Variants in DPYD observed in about 807,000 individuals in gnomAD.
DPYD encodes the protein dihydropyrimidine dehydrogenase [NADP(+)].
Under a neutral mutation model 116.2 loss-of-function variants are expected in DPYD, and 109 were observed. The observed-to-expected ratio is 0.94, with a 90% CI of 0.80 to 1.10. DPYD has a LOEUF of 1.10. DPYD is among the 50% of genes least tolerant of loss of function. The pLI is 0.00. For missense variants in DPYD, 1,302 were observed against 1,254.5 expected (o/e 1.04, Z -0.57); for synonymous variants, 440 against 432.0 (o/e 1.02, Z -0.23).
intron 8 of DPYD, among the ~76,000 whole-genome samples, chr1:97,600,439 C>T (rs1655178197): frequency 6.6e-6 from 1 of 152,112 alleles, no homozygotes; most frequent in Non-Finnish European, 1.5e-5. Flanking sequence ...CATGTAACAA[C>T]TTTTGTCTTT....
intron 18 of DPYD, among the ~76,000 whole-genome samples, chr1:97,236,666 A>C (rs1247892188): frequency 2.0e-5 from 3 of 151,880 alleles, no homozygotes; most frequent in African/African-American, 7.3e-5. Flanking sequence ...CACACACACA[A>C]AACACACTTA....
rs1402643252 is a variant in DPYD at position 97,754,662 on chromosome 1, TA to T, written c.234-14184del. The stretch of plus-strand genomic sequence containing the variant: ...ACTTAACTATTTTCTGAGATTTTGC[TA>T]AGTGCTGGAGATAGCAGGATGAATA... On this transcript the variant is annotated intron_variant, in intron 3 of 22. Coordinates refer to ENST00000370192, the MANE Select transcript of DPYD (RefSeq NM_000110.4). 1.5e-4 allele frequency among the ~76,000 whole-genome samples: 23 copies of T among 152,350 alleles called. No homozygotes were observed. In the South Asian group the frequency reaches 1.7e-3, roughly 11 times the overall value.
intron 12 of DPYD, among the ~76,000 whole-genome samples, chr1:97,540,529 G>T (rs1008693495): frequency 1.3e-5 from 2 of 152,124 alleles, no homozygotes; most frequent in African/African-American, 4.8e-5. Flanking sequence ...GAGCTGGGGT[G>T]TGCCACCTTC....
At chr1:97,523,335 T>C (rs1648825478) in intron 12 of DPYD, among the ~76,000 whole-genome samples, 1 of 152,198 alleles carries the variant, frequency 6.6e-6, no homozygotes. Flanking sequence ...AAGTTTGCTT[T>C]CTTCACCCTT....
At chr1:97,718,119 T>A (rs1007680865) in intron 5 of DPYD, among the ~76,000 whole-genome samples, 1 of 151,998 alleles carries the variant, frequency 6.6e-6, no homozygotes, top group African/African-American at 2.4e-5. Context: ...AACACATCCA[T>A]GCCAACATCT....
chr1:97,457,807 CAGGCTTTGAGAA>C (rs1676773727), intron 13 of DPYD, among the ~76,000 whole-genome samples: 2 of 152,134 alleles, frequency 1.3e-5, no homozygotes, highest in African/African-American at 4.8e-5. Context: ...ACTTTTTCTG[CAGGCTTTGAGAA>C]TCCATTGTGT....
At chr1:97,834,694 T>C (rs955797801) in intron 2 of DPYD, among the ~76,000 whole-genome samples, 1 of 151,846 alleles carries the variant, frequency 6.6e-6, no homozygotes, top group South Asian at 2.1e-4. Context: ...ATAAAGTAAA[T>C]TGGGAAAAGG....
Position 97,132,407 on chromosome 1 carries a change from T to C in DPYD, c.2623-33775A>G, listed in dbSNP as rs548895128. ...TCATTAACATAGCTACGGTACAGTG[T>C]ATTGGGTTAGGAAATGAATCAGATG... is the stretch of plus-strand genomic sequence containing the variant. On this transcript the variant is annotated intron_variant, in intron 20 of 22. Transcript: ENST00000370192. Among the ~76,000 whole-genome samples the C allele has an allele frequency of 1.3e-4, 20 of 152,290 alleles. No homozygotes were observed. The South Asian group carries it at 4.1e-3, about 32-fold the overall frequency.
At chr1:97,259,250 TAGAA>T (rs1663713715) in intron 18 of DPYD, among the ~76,000 whole-genome samples, 1 of 152,144 alleles carries the variant, frequency 6.6e-6, no homozygotes, top group Admixed American at 6.6e-5. Flanking sequence ...TGCTGACTAC[TAGAA>T]AGAGTTTGCT....
At chr1:97,917,064 C>T (rs1674254886) in intron 1 of DPYD, among the ~76,000 whole-genome samples, 1 of 152,142 alleles carries the variant, frequency 6.6e-6, no homozygotes, top group Admixed American at 6.5e-5. Context: ...AGCATGTTTT[C>T]AACAACTCTA....
chr1:97,646,733 T>A (rs1385823234), intron 8 of DPYD, among the ~76,000 whole-genome samples: 1 of 152,122 alleles, frequency 6.6e-6, no homozygotes, highest in East Asian at 1.9e-4. Context: ...ATGAGCTAAC[T>A]TTGCTTAATT....
At chr1:97,582,468 G>A (rs904169259) in intron 10 of DPYD, among the ~76,000 whole-genome samples, 6 of 152,238 alleles carry the variant, frequency 3.9e-5, no homozygotes, top group Admixed American at 1.3e-4. Flanking sequence ...CATCAAACTC[G>A]GCCCATTCAC....
chr1:97,699,336 A>G lies in DPYD; in HGVS notation c.680+15T>C, dbSNP rs1471304288. On this transcript the variant is annotated intron_variant, in intron 6 of 22. Transcript: ENST00000370192. The stretch of plus-strand genomic sequence containing the variant: ...ATTTCTGACACTATAAACATGAAAT[A>G]AATGTAGGCATTACCTTAAACCACC... 1 of 1,609,916 alleles carries G rather than the reference A, an allele frequency of 6.2e-7. No homozygotes were observed. The highest frequency in any genetic ancestry group is 2.2e-5 in the East Asian group (1 of 44,844).
chr1:97,545,883 T>C, intron 12 of DPYD: 1 of 1,066,766 alleles, frequency 9.4e-7, no homozygotes, highest in Non-Finnish European at 1.5e-6. Flanking sequence ...TTTCTAATCA[T>C]AAGAAGTATA....
intron 16 of DPYD, among the ~76,000 whole-genome samples, chr1:97,342,467 T>C (rs973758741): frequency 6.6e-6 from 1 of 152,192 alleles, no homozygotes; most frequent in Non-Finnish European, 1.5e-5. Flanking sequence ...AACATTCTTA[T>C]TACTTCATAC....
chr1:97,105,917 GATGAGCTT>G (rs1651104504), intron 20 of DPYD, among the ~76,000 whole-genome samples: 1 of 152,154 alleles, frequency 6.6e-6, no homozygotes, highest in Admixed American at 6.5e-5. Context: ...GGAACTACAG[GATGAGCTT>G]ATCCTTATAT....
chr1:97,885,895 G>A lies in DPYD; in HGVS notation c.40-2521C>T, dbSNP rs75614347. On this transcript the variant is annotated intron_variant, in intron 1 of 22. Transcript: ENST00000370192. Reference sequence around the variant, plus strand: ...AATAATATCAATTTGCACCTGAGTAGCTCAATGAAAAATTAATTTCAAACC... The same window carrying A: ...AATAATATCAATTTGCACCTGAGTAACTCAATGAAAAATTAATTTCAAACC... 2.5e-3 allele frequency among the ~76,000 whole-genome samples: 386 copies of A among 152,102 alleles called. 4 individuals carry two copies. The highest frequency in any genetic ancestry group is 9.0e-3 in the African/African-American group (372 of 41,526).
chr1:97,397,827 G>A (rs1436329195), intron 14 of DPYD, among the ~76,000 whole-genome samples: 1 of 151,998 alleles, frequency 6.6e-6, no homozygotes, highest in Non-Finnish European at 1.5e-5. Context: ...AAACATCCAT[G>A]TGCAGGTTTT....
At chr1:97,330,042 A>G (rs1668910290) in intron 16 of DPYD, among the ~76,000 whole-genome samples, 1 of 152,184 alleles carries the variant, frequency 6.6e-6, no homozygotes, top group African/African-American at 2.4e-5. Flanking sequence ...GTTATTATGT[A>G]TATATGTATA....
Sources: allele counts gnomAD v4.1 joint callset (sites outside exome capture counted in the v4.1 genomes callset), GRCh38; gene constraint gnomAD v4.1.1; transcripts MANE v1.5; gene names NCBI Gene and HGNC (gene_info 2026-07-23, HGNC 2026-07-21).